The following ANKRD26 variants were observed in gnomAD, a reference collection of about 807,000 sequenced individuals.
ANKRD26 encodes ankyrin repeat domain-containing protein 26.
A neutral mutation model predicts 208.7 loss-of-function variants in ANKRD26; 141 were observed. The ratio of observed to expected loss-of-function variants is 0.68; its 90% CI spans 0.59 to 0.78. The LOEUF (loss-of-function observed/expected upper bound fraction) is 0.78, where lower values mean the gene tolerates loss of function less well. ANKRD26 is among the 30% of genes least tolerant of loss of function. ANKRD26 has a pLI of 0.00. For synonymous variants in ANKRD26, 636 were observed against 660.4 expected (o/e 0.96, Z 0.57); for missense variants, 1,889 against 1,938.7 (o/e 0.97, Z 0.48).
At chr10:26,958,839 C>G in the ANKRD26 span, among the ~76,000 whole-genome samples, 1 of 152,170 alleles carries the variant, frequency 6.6e-6, no homozygotes, top group South Asian at 2.1e-4. Context: ...AATGGGATTG[C>G]TGGATCAAAA....
Position 27,053,341 on chromosome 10 carries a change from C to G in ANKRD26, c.1614G>C (p.Gly538=). 2 of 1,610,352 alleles carry G rather than the reference C, an allele frequency of 1.2e-6. No individual in the cohort carries two copies. The highest frequency in any genetic ancestry group is 1.7e-6 in the Non-Finnish European group (2 of 1,178,346). The change falls in exon 16 of 34, where the codon GGG becomes GGC. Residue 538 remains glycine (G), a synonymous_variant. Transcript: ENST00000376087. The part of the protein sequence containing the change: ...VASEEEQERE[G]SENNQPQVEE... The stretch of plus-strand genomic sequence containing the variant: ...ATACCTGTGGCTGGTTATTTTCACT[C>G]CCTTCCCTTTCTTGCTCTTCTTCTG...
At chr10:27,065,160 G>C (rs2055194789) in intron 11 of ANKRD26, among the ~76,000 whole-genome samples, 1 of 152,030 alleles carries the variant, frequency 6.6e-6, no homozygotes, top group South Asian at 2.1e-4. Context: ...CTCCCATTTT[G>C]ATCCCCATCC....
In ANKRD26 at chr10:27,093,803, T is replaced by C. The variant is rs2056378503; in HGVS notation, c.243-4A>G. ...ACAGGCCAAATGTAGAGCCGTCCTA[T>C]GAGAGTGACAGGACTTTTTATAAAC... On this transcript the variant is annotated splice_region_variant and splice_polypyrimidine_tract_variant and intron_variant, in intron 1 of 33. Coordinates refer to ENST00000376087, the MANE Select transcript of ANKRD26 (RefSeq NM_014915.3). The C allele has an allele frequency of 1.2e-6, 2 of 1,608,500 alleles. No individual in the cohort carries two copies. The highest frequency in any genetic ancestry group is 1.3e-5 in the African/African-American group (1 of 74,804).
chr10:27,072,658 A>C (rs2055546490), intron 9 of ANKRD26, among the ~76,000 whole-genome samples: 1 of 152,158 alleles, frequency 6.6e-6, no homozygotes, highest in South Asian at 2.1e-4. Context: ...TCCTGGCTAA[A>C]ACTCAACAAG....
chr10:27,045,372 T>C (rs968578527), intron 18 of ANKRD26, among the ~76,000 whole-genome samples: 1 of 149,460 alleles, frequency 6.7e-6, no homozygotes, highest in Non-Finnish European at 1.5e-5. Context: ...TGCAGTGAGC[T>C]GAGATCACGT....
intron 16 of ANKRD26, among the ~76,000 whole-genome samples, chr10:27,049,331 A>G (rs1361049178): frequency 6.6e-6 from 1 of 152,208 alleles, no homozygotes; most frequent in African/African-American, 2.4e-5. Context: ...ACAGAGAAAT[A>G]AAAAGACAAA....
chr10:27,005,507 T>C lies in ANKRD26; in HGVS notation c.*83A>G. ...CATATATGATACAAAAATACGTTCC[T>C]TTAATATTTTTACATGTCATATATT... On this transcript the variant is annotated 3_prime_UTR_variant, in exon 34 of 34. Transcript: ENST00000376087. The C allele has an allele frequency of 1.3e-6, 2 of 1,553,180 alleles. No individual in the cohort carries two copies. The highest frequency in any genetic ancestry group is 8.7e-7 in the Non-Finnish European group (1 of 1,146,890).
intron 30 of ANKRD26, among the ~76,000 whole-genome samples, chr10:27,016,063 A>G (rs1283494779): frequency 6.6e-6 from 1 of 152,154 alleles, no homozygotes; most frequent in Non-Finnish European, 1.5e-5. Flanking sequence ...AGCTCACCGC[A>G]GCCTTGAAAA....
chr10:27,093,479 T>G lies in ANKRD26; in HGVS notation c.401A>C (p.Glu134Ala), dbSNP rs2056366459. The change falls in exon 3 of 34, where the codon GAA becomes GCA. Residue 134 changes from glutamate to alanine, a missense_variant. Glu to Ala is a moderately radical substitution (Grantham distance 107, BLOSUM62 -1). Transcript: ENST00000376087. ...QEEKCATILLEHGADPNLADV... is the reference protein window; with the variant it reads ...QEEKCATILLAHGADPNLADV... ...CGCAAGATTTGGATCAGCACCATGT[T>G]CTAGCAGAATAGTTGCACATTTCTC... 6.2e-7 allele frequency: 1 copy of G among 1,614,084 alleles called. No individual in the cohort carries two copies. The highest frequency in any genetic ancestry group is 8.5e-7 in the Non-Finnish European group (1 of 1,180,044).
intron 20 of ANKRD26, 83 bp downstream of exon 20, chr10:27,043,343 T>A: frequency 6.6e-7 from 1 of 1,513,070 alleles, no homozygotes; most frequent in Non-Finnish European, 9.1e-7. Context: ...GCAAAATGTA[T>A]GCTAAATGTA....
intron 15 of ANKRD26, 110 bp from the exon 16 acceptor site, chr10:27,053,500 G>A: frequency 1.3e-6 from 1 of 798,908 alleles, no homozygotes; most frequent in South Asian, 2.2e-5. Flanking sequence ...TAAATCGAGA[G>A]GGTTTTCTTC....
downstream of ANKRD26, among the ~76,000 whole-genome samples, chr10:27,001,049 T>C (rs12779034): frequency 0.093 from 14,110 of 152,172 alleles, 785 homozygotes; most frequent in East Asian, 0.28. Flanking sequence ...AATAACTCAA[T>C]ATTCTAAATG....
rs200767780 is a variant in ANKRD26, at chr10:27,072,712, AG to A, written c.1077+4625del. On this transcript the variant is annotated intron_variant, in intron 9 of 33. Coordinates refer to ENST00000376087, the MANE Select transcript of ANKRD26 (RefSeq NM_014915.3). ...CTGCAAGCACAATGACACAGCACCA[AG>A]GAAGTAGGAAACTTCTGTGCATCTT... Among the ~76,000 whole-genome samples the A allele has an allele frequency of 9.1e-3, 1,388 of 152,348 alleles. 6 individuals carry two copies. Among genetic ancestry groups the A allele is most frequent in the Non-Finnish European group, 0.013 (913 of 68,024 alleles).
intron 18 of ANKRD26, among the ~76,000 whole-genome samples, chr10:27,044,891 T>C (rs571694648): frequency 6.6e-6 from 1 of 152,264 alleles, no homozygotes; most frequent in South Asian, 2.1e-4. Flanking sequence ...GCTGTGAAAG[T>C]AATATTTATT....
chr10:26,986,147 TTGATAAGCCTGACAAAAACAAGAAA>T (rs1224575040), intron 3 of ANKRD26, among the ~76,000 whole-genome samples: 2 of 152,166 alleles, frequency 1.3e-5, no homozygotes, highest in Admixed American at 1.3e-4. Flanking sequence ...TATCTGATCT[TTGATAAGCCTGACAAAAACAAGAAA>T]TGGGGAAAGG....
rs187507221 is a variant in ANKRD26, at chr10:27,013,099, C to T, written c.4736G>A (p.Arg1579Lys). The change falls in exon 32 of 34, where the codon AGG (arginine) becomes AAG (lysine). Residue 1579 changes from arginine to lysine, a missense_variant. Physicochemically the swap from Arg to Lys is conservative, Grantham distance 26. Transcript: ENST00000376087. The stretch of plus-strand genomic sequence containing the variant: ...AAGTTTGGTGTTGACCTCTGCTAGC[C>T]TCTCATTAGTTCTGTGAAGATTGCA... ...LSSKLTKTNE[R>K]LAEVNTKLLV... The T allele has an allele frequency of 1.8e-5, 29 of 1,613,566 alleles. No individual in the cohort carries two copies. In the Admixed American group the frequency reaches 4.3e-4, roughly 24 times the overall value.
rs1192260500 is a variant in ANKRD26, at chr10:27,100,249, G to A, written c.78C>T (p.Gly26=). 1 of 1,611,194 alleles carries A rather than the reference G, an allele frequency of 6.2e-7. No individual in the cohort carries two copies. ...FARRQRSSAG[G]GGEPGEGAYS... ...AGGCGCCCTCCCCCGGCTCGCCCCC[G>A]CCTCCCGCGCTGCTCCTCTGCCGCC... is the stretch of plus-strand genomic sequence containing the variant. Residue 26 remains glycine, a synonymous_variant, in exon 1 of 34, where the codon GGC becomes GGT. Coordinates refer to ENST00000376087, the MANE Select transcript of ANKRD26 (RefSeq NM_014915.3).
chr10:27,050,971 TA>T, intron 16 of ANKRD26: 1 of 955,606 alleles, frequency 1.0e-6, no homozygotes, highest in Non-Finnish European at 1.4e-6. Flanking sequence ...CACCATTTTA[TA>T]CATGAGCTCT....
chr10:26,975,228 C>T (rs1005516386), exon 6 of ANKRD26, among the ~76,000 whole-genome samples: 2 of 151,850 alleles, frequency 1.3e-5, no homozygotes, highest in Non-Finnish European at 2.9e-5. Context: ...CACACAGTTT[C>T]TTTTTTTATT....
Sources: gnomAD v4.1 joint callset for allele counts (sites outside exome capture counted in the v4.1 genomes callset) on GRCh38, gnomAD v4.1.1 for gene constraint, MANE v1.5 for transcripts, NCBI Gene and HGNC (gene_info 2026-07-23, HGNC 2026-07-21) for gene names.